MINDY4: variants seen among roughly 807,000 people sequenced by gnomAD.
The protein encoded by MINDY4 is MINDY lysine 48 deubiquitinase 4.
In MINDY4, 68 loss-of-function variants were observed where a neutral mutation model predicts 87.0. The observed-to-expected ratio is 0.78, with a 90% CI of 0.64 to 0.96. The LOEUF is 0.96. Among genes scored for constraint, MINDY4 ranks in the 40% least tolerant of loss-of-function variants. The pLI is 0.00. For synonymous variants in MINDY4, 379 were observed against 363.2 expected, an observed-to-expected ratio of 1.04 and a Z score of -0.50; for missense variants, 919 against 928.2, an observed-to-expected ratio of 0.99 and a Z score of 0.13.
chr7:30,796,474 T>C (rs867047356), intron 5 of MINDY4, among the ~76,000 whole-genome samples: 2 of 152,186 alleles, frequency 1.3e-5, no homozygotes, highest in South Asian at 4.1e-4. Flanking sequence ...GTCCATGCAA[T>C]TGAAGTCTAA....
chr7:30,808,307 C>T (rs1293804573), intron 5 of MINDY4, among the ~76,000 whole-genome samples: 1 of 152,194 alleles, frequency 6.6e-6, no homozygotes, highest in Non-Finnish European at 1.5e-5. Context: ...CCTGATCACC[C>T]ATGGCATACC....
intron 5 of MINDY4, among the ~76,000 whole-genome samples, chr7:30,808,775 A>C (rs536095104): frequency 9.2e-5 from 14 of 152,262 alleles, no homozygotes; most frequent in African/African-American, 3.1e-4. Context: ...GTTCCTGTAC[A>C]TAGACACTTG....
At position 30,891,497 on chromosome 7, in the gene MINDY4, C is replaced by G. The variant is rs138621153; in HGVS notation, c.2226-460C>G. Among the ~76,000 whole-genome samples the G allele has an allele frequency of 3.0e-3, 452 of 152,334 alleles. 4 individuals are homozygous for G. Among genetic ancestry groups the G allele is most frequent in the African/African-American group, 0.01 (421 of 41,568 alleles). On this transcript the variant is annotated intron_variant, in intron 17 of 17. Transcript: ENST00000265299. ...TGTGGCTCTCAGTAAAGCCCAGAAC[C>G]CTTACAAGTTCCTGCCAGCTTCCCG...
At chr7:30,857,131 T>A (rs142753822) in intron 12 of MINDY4, among the ~76,000 whole-genome samples, 2 of 152,334 alleles carry the variant, frequency 1.3e-5, no homozygotes, top group African/African-American at 4.8e-5. Flanking sequence ...AAGTAAATGA[T>A]GTCCTCAGGG....
intron 6 of MINDY4, 27 bp downstream of exon 6, chr7:30,828,764 G>A: frequency 6.2e-7 from 1 of 1,609,512 alleles, no homozygotes; most frequent in Non-Finnish European, 8.5e-7. Flanking sequence ...CCTCTGTGCT[G>A]TGCCCATCAG....
intron 5 of MINDY4, among the ~76,000 whole-genome samples, chr7:30,806,421 T>C (rs886666266): frequency 5.3e-5 from 8 of 152,156 alleles, no homozygotes; most frequent in African/African-American, 1.7e-4. Flanking sequence ...TGGCCCACAA[T>C]GGTTATTTTA....
intron 17 of MINDY4, among the ~76,000 whole-genome samples, chr7:30,886,581 C>T (rs908163453): frequency 1.3e-5 from 2 of 152,210 alleles, no homozygotes; most frequent in African/African-American, 4.8e-5. Flanking sequence ...GTCACAAGCT[C>T]CAAGGACTGT....
intron 3 of MINDY4, 103 bp downstream of exon 3, chr7:30,782,315 A>G (rs1045495859): frequency 1.2e-6 from 1 of 827,084 alleles, no homozygotes; most frequent in African/African-American, 1.7e-5. Context: ...GAGGAACAGA[A>G]TCAATATAGT....
At chr7:30,780,006 A>G (rs986292373) in intron 2 of MINDY4, 1 of 152,340 alleles carries the variant, frequency 6.6e-6, no homozygotes, top group African/African-American at 2.4e-5. Flanking sequence ...TGGCACCTAC[A>G]GGAGCACTCA....
intron 5 of MINDY4, among the ~76,000 whole-genome samples, chr7:30,824,371 T>C (rs1788433845): frequency 6.6e-6 from 1 of 152,216 alleles, no homozygotes; most frequent in South Asian, 2.1e-4. Context: ...CACTCATGAC[T>C]CAATCATCTC....
intron 5 of MINDY4, among the ~76,000 whole-genome samples, chr7:30,825,667 A>G (rs2040835): frequency 0.39 from 59,741 of 152,148 alleles, 14,494 homozygotes; most frequent in African/African-American, 0.67. Context: ...AAGCCACCTA[A>G]CTTCTGTGAG....
At chr7:30,883,459 G>A (rs1584356936) in intron 17 of MINDY4, among the ~76,000 whole-genome samples, 1 of 152,282 alleles carries the variant, frequency 6.6e-6, no homozygotes, top group East Asian at 1.9e-4. Flanking sequence ...AGCCGGAGGA[G>A]CAGCTCCGCC....
At chr7:30,809,736 A>G (rs1362114907) in intron 5 of MINDY4, among the ~76,000 whole-genome samples, 1 of 152,024 alleles carries the variant, frequency 6.6e-6, no homozygotes, top group Non-Finnish European at 1.5e-5. Flanking sequence ...AATCTAGTCC[A>G]CAGACATAAA....
chr7:30,872,175 G>A, intron 13 of MINDY4, 68 bp from the exon 14 acceptor site: 3 of 1,462,030 alleles, frequency 2.1e-6, no homozygotes, highest in South Asian at 2.3e-5. Context: ...GGAGCGCCTG[G>A]TCACCTAGCG....
At chr7:30,890,361 G>A (rs1790761081) in intron 17 of MINDY4, among the ~76,000 whole-genome samples, 2 of 152,204 alleles carry the variant, frequency 1.3e-5, no homozygotes, top group African/African-American at 2.4e-5. Context: ...TGGTATGCAC[G>A]ATCTATCCTC....
chr7:30,871,206 C>T (rs1204818676), intron 13 of MINDY4, among the ~76,000 whole-genome samples: 1 of 152,200 alleles, frequency 6.6e-6, no homozygotes, highest in African/African-American at 2.4e-5. Flanking sequence ...CTCACGTTGC[C>T]CCCCAGAGCC....
At chr7:30,821,173 T>C (rs1042513362) in intron 5 of MINDY4, among the ~76,000 whole-genome samples, 51 of 152,244 alleles carry the variant, frequency 3.3e-4, no homozygotes, top group Non-Finnish European at 5.9e-5. Context: ...TGTTTTTAAC[T>C]ACTCTTAAAT....
intron 2 of MINDY4, chr7:30,780,463 G>A (rs1422003342): frequency 6.6e-6 from 1 of 152,114 alleles, no homozygotes; most frequent in Non-Finnish European, 1.5e-5. Flanking sequence ...AGATACTTAA[G>A]ATATTTTCAT....
chr7:30,807,770 C>A lies in MINDY4; in HGVS notation c.1073+16196C>A, dbSNP rs540333442. 5.9e-5 allele frequency among the ~76,000 whole-genome samples: 9 copies of A among 152,262 alleles called. No individual in the cohort carries two copies. The South Asian group carries it at 1.7e-3, about 28-fold the overall frequency. ...TTCTGTTCTGTTCTGTTCTAATTAC[C>A]GGTGCATGCAGCCCGCAGTCACGTA... On this transcript the variant is annotated intron_variant, in intron 5 of 17. Transcript: ENST00000265299.
Sources: gnomAD v4.1 joint callset for allele counts (sites outside exome capture counted in the v4.1 genomes callset) on GRCh38, gnomAD v4.1.1 for gene constraint, MANE v1.5 for transcripts, NCBI Gene and HGNC (gene_info 2026-07-23, HGNC 2026-07-21) for gene names.